The following WDR90 variants were observed in gnomAD, a reference collection of about 807,000 sequenced individuals.
WDR90 encodes WD repeat domain 90.
WDR90 carries 238 observed loss-of-function variants against 195.2 expected under a neutral mutation model. The observed-to-expected ratio is 1.22, with a 90% CI of 1.10 to 1.36. The LOEUF is 1.36. Ranked by LOEUF, WDR90 falls within the 40% of genes most tolerant of loss-of-function variation. The pLI is 0.00. For synonymous variants in WDR90, 1,265 were observed against 1,052.4 expected (o/e 1.20, Z -3.91); for missense variants, 2,734 against 2,439.5 (o/e 1.12, Z -2.54).
intron 13 of WDR90, chr16:654,614 T>TG (rs1450147139): frequency 5.9e-6 from 1 of 169,174 alleles, no homozygotes; most frequent in African/African-American, 2.4e-5. Flanking sequence ...TCTCACGTTT[T>TG]GTTTTTTTAA....
chr16:662,982 G>T, intron 34 of WDR90, 138 bp downstream of exon 34: 3 of 1,347,612 alleles, frequency 2.2e-6, no homozygotes, highest in Non-Finnish European at 3.1e-6. Flanking sequence ...GGGGTTCCCA[G>T]CGGGGAAGTC....
chr16:649,143 G>C (rs1037840329), upstream of WDR90: 5 of 376,044 alleles, frequency 1.3e-5, no homozygotes, highest in Non-Finnish European at 2.4e-5. Flanking sequence ...ATCCGCAACC[G>C]GCGCGGGCTT....
At position 666,699 on chromosome 16, in the gene WDR90, C is replaced by T. The variant is rs757174502; in HGVS notation, c.4911C>T (p.Leu1637=). ...CTCAGGGCCACCTGCCACCCTCCCT[C>T]GCTGCCTTCTGCCCTTGGGATGGGG... ...TETQGHLPPS[L]AAFCPWDGAL... The change falls in exon 39 of 41, where the codon CTC becomes CTT. Residue 1637 remains leucine (L), a synonymous_variant. Transcript: ENST00000293879. The T allele has an allele frequency of 1.8e-5, 29 of 1,612,732 alleles. No individual in the cohort carries two copies. Among genetic ancestry groups the T allele is most frequent in the African/African-American group, 6.7e-5 (5 of 74,954 alleles).
At chr16:656,136 T>C (rs552744571) in intron 17 of WDR90, 166 bp from the exon 18 acceptor site, 80 of 782,374 alleles carry the variant, frequency 1.0e-4, no homozygotes, top group Non-Finnish European at 1.5e-4. Context: ...GGGTCCCGCC[T>C]AGCCTAAGAG....
intron 20 of WDR90, chr16:657,495 T>C (rs375677030): frequency 1.7e-5 from 12 of 699,734 alleles, no homozygotes; most frequent in Non-Finnish European, 2.5e-5. Context: ...GACCCAGGCA[T>C]GGGCACCTGC....
chr16:666,806 C>T lies in WDR90; in HGVS notation c.5004+14C>T, dbSNP rs2038077677. ...TGCCAGAAGCAGGTACACGCAGCTG[C>T]CCGCGTGTCACTGGGAGCCCCAGGG... On this transcript the variant is annotated intron_variant, in intron 39 of 40. Transcript: ENST00000293879. 1 of 1,612,708 alleles carries T rather than the reference C, an allele frequency of 6.2e-7. No individual in the cohort carries two copies. The highest frequency in any genetic ancestry group is 1.1e-5 in the South Asian group (1 of 91,082).
In WDR90 at chr16:651,954, CTG is replaced by C; in HGVS notation, c.969_970del (p.Asp324HisfsTer17). 2 of 1,608,474 alleles carry C rather than the reference CTG, an allele frequency of 1.2e-6. No individual in the cohort carries two copies. The highest frequency in any genetic ancestry group is 1.7e-6 in the Non-Finnish European group (2 of 1,178,434). On this transcript the variant is annotated frameshift_variant, in exon 9 of 41. Coordinates refer to ENST00000293879, the MANE Select transcript of WDR90 (RefSeq NM_145294.5). LOFTEE classifies it high-confidence loss of function. ...GAGCCCTGGGCCCAGCTGGAGGCCT[CTG>C]ACATCCACACGGCTGCTGCCGGCAC...
In WDR90 at chr16:649,842, G is replaced by A; in HGVS notation, c.90G>A (p.Val30=). 1 of 1,582,232 alleles carries A rather than the reference G, an allele frequency of 6.3e-7. No individual in the cohort carries two copies. Among genetic ancestry groups the A allele is most frequent in the Non-Finnish European group, 8.6e-7 (1 of 1,164,522 alleles). ...EWKRSAKQGD[V]AVVTDKTLKG... is the part of the protein sequence containing the mutation. ...AGCGCTCCGCCAAGCAGGGGGACGT[G>A]GCCGTGGTCACGGTAGGCGGCCGGG... Residue 30 remains valine, a synonymous_variant, in exon 2 of 41, where the codon GTG becomes GTA. Coordinates refer to ENST00000293879, the MANE Select transcript of WDR90 (RefSeq NM_145294.5).
intron 14 of WDR90, 45 bp downstream of exon 14, chr16:655,192 C>T (rs755795596): frequency 2.0e-5 from 33 of 1,612,052 alleles, no homozygotes; most frequent in Admixed American, 3.3e-5. Context: ...GGTCTGGGCC[C>T]GGAGTGGGGG....
chr16:666,492 T>C lies in WDR90; in HGVS notation c.4778T>C (p.Leu1593Pro). 6.2e-7 allele frequency: 1 copy of C among 1,612,696 alleles called. No individual in the cohort carries two copies. Among genetic ancestry groups the C allele is most frequent in the Non-Finnish European group, 8.5e-7 (1 of 1,179,962 alleles). ...DLGVEGTDLW[L>P]AASGDQRVSV... ...GGGGTGGAGGGCACAGACCTATGGC[T>C]GGCTGCCAGTGGGGACCAGCGGGTC... Residue 1593 changes from leucine (L) to proline (P), a missense_variant, in exon 38 of 41, where the codon CTG (leucine) becomes CCG (proline). Leu to Pro is a moderately conservative substitution (Grantham distance 98). Coordinates refer to ENST00000293879, the MANE Select transcript of WDR90 (RefSeq NM_145294.5).
At position 663,005 on chromosome 16, in the gene WDR90, G is replaced by A. The variant is rs748626085; in HGVS notation, c.4311+161G>A. ...CAGCGGGGAAGTCTTGGGTGTGCAC[G>A]TCCCCTCAAAGCCGTCCCGGTTGTG... On this transcript the variant is annotated intron_variant, in intron 34 of 40. Transcript: ENST00000293879. 11 of 1,127,032 alleles carry A rather than the reference G, an allele frequency of 9.8e-6. 1 individual carries two copies. The highest frequency in any genetic ancestry group is 1.9e-4 in the Middle Eastern group (1 of 5,228). 69.8% of individuals were successfully genotyped at this position (1,127,032 alleles called of 1,614,324 possible).
rs751072904 is a variant in WDR90, at chr16:666,011, C to A, written c.4496C>A (p.Ala1499Glu). ...GGCCGCCCTGAGCAGCAGCGGCTAGCGGCTGGCTACGGTGACGGCTCCCTG... is the reference window on the plus strand; with the variant it reads ...GGCCGCCCTGAGCAGCAGCGGCTAGAGGCTGGCTACGGTGACGGCTCCCTG... The part of the protein sequence containing the change: ...CCGRPEQQRL[A>E]AGYGDGSLRI... Residue 1499 changes from alanine (A) to glutamate (E), a missense_variant, in exon 36 of 41, where the codon GCG (alanine) becomes GAG (glutamate). Ala to Glu is a moderately radical substitution (Grantham distance 107, BLOSUM62 -1). Coordinates refer to ENST00000293879, the MANE Select transcript of WDR90 (RefSeq NM_145294.5). The A allele has an allele frequency of 8.1e-6, 13 of 1,603,620 alleles. No homozygotes were observed. Among genetic ancestry groups the A allele is most frequent in the Non-Finnish European group, 1.0e-5 (12 of 1,179,672 alleles).
chr16:666,717 G>T lies in WDR90; in HGVS notation c.4929G>T (p.Trp1643Cys). 6.2e-7 allele frequency: 1 copy of T among 1,612,832 alleles called. No homozygotes were observed. Among genetic ancestry groups the T allele is most frequent in the Non-Finnish European group, 8.5e-7 (1 of 1,179,966 alleles). ...LPPSLAAFCP[W>C]DGALLMYVGP... is the part of the protein sequence containing the mutation. Reference sequence around the variant, plus strand: ...CCTCCCTCGCTGCCTTCTGCCCTTGGGATGGGGCGCTCCTGATGTACGTGG... The same window carrying T: ...CCTCCCTCGCTGCCTTCTGCCCTTGTGATGGGGCGCTCCTGATGTACGTGG... Residue 1643 changes from tryptophan (W) to cysteine (C), a missense_variant, in exon 39 of 41, where the codon TGG (tryptophan) becomes TGT (cysteine). Trp to Cys is a radical substitution (Grantham distance 215). Coordinates refer to ENST00000293879, the MANE Select transcript of WDR90 (RefSeq NM_145294.5).
Position 666,801 on chromosome 16 carries a change from A to G in WDR90, c.5004+9A>G, listed in dbSNP as rs1329535098. The G allele has an allele frequency of 6.2e-7, 1 of 1,612,592 alleles. No individual in the cohort carries two copies. The highest frequency in any genetic ancestry group is 8.5e-7 in the Non-Finnish European group (1 of 1,179,828). On this transcript the variant is annotated intron_variant, in intron 39 of 40. Coordinates refer to ENST00000293879, the MANE Select transcript of WDR90 (RefSeq NM_145294.5). ...ACCTCTGCCAGAAGCAGGTACACGC[A>G]GCTGCCCGCGTGTCACTGGGAGCCC...
chr16:660,272 C>A, intron 27 of WDR90, 111 bp downstream of exon 27: 1 of 1,035,708 alleles, frequency 9.7e-7, no homozygotes, highest in Non-Finnish European at 1.4e-6. Flanking sequence ...GGTGATGGCT[C>A]TGGCCCTTGG....
intron 20 of WDR90, 111 bp from the exon 21 acceptor site, chr16:657,651 C>A: frequency 7.3e-7 from 1 of 1,378,500 alleles, no homozygotes; most frequent in Non-Finnish European, 9.5e-7. Flanking sequence ...GTCTGTGCTC[C>A]GGGGCTGGTG....
At position 660,614 on chromosome 16, in the gene WDR90, C is replaced by T. The variant is rs755638030; in HGVS notation, c.3291C>T (p.Gly1097=). The change falls in exon 28 of 41, where the codon GGC becomes GGT. Residue 1097 remains glycine, a splice_region_variant and synonymous_variant. Transcript: ENST00000293879. The stretch of plus-strand genomic sequence containing the variant: ...CATCCGGGTCTCCTTCCTCGCAGGG[C>T]ACTTGCCCGCCTCCCGCCAGCGGTG... ...RVSCSPHSAK[G]TCPPPASGGW... is the part of the protein sequence containing the mutation. 110 of 1,564,186 alleles carry T rather than the reference C, an allele frequency of 7.0e-5. No individual in the cohort carries two copies. Among genetic ancestry groups the T allele is most frequent in the Middle Eastern group, 1.7e-4 (1 of 6,006 alleles).
chr16:655,646 C>G lies in WDR90; in HGVS notation c.1792C>G (p.Leu598Val), dbSNP rs775555989. The G allele has an allele frequency of 6.8e-6, 11 of 1,606,756 alleles. No homozygotes were observed. The highest frequency in any genetic ancestry group is 2.7e-5 in the African/African-American group (2 of 74,846). ...QRMVVRHARR[L>V]LPTRTPGGPH... ...CATGGTCGTGCGGCATGCCCGCCGC[C>G]TGCTCCCCACACGGACTCCAGGCGG... The change falls in exon 16 of 41, where the codon CTG becomes GTG. Residue 598 changes from leucine to valine, a missense_variant. Coordinates refer to ENST00000293879, the MANE Select transcript of WDR90 (RefSeq NM_145294.5).
At position 651,649 on chromosome 16, in the gene WDR90, C is replaced by G. The variant is rs1346813692; in HGVS notation, c.742C>G (p.Leu248Val). ...GGTTCTTTGCTCTGTTCTAGTCCTCCTGGGGCCGGGGCCACAGCCTCTCCC... is the reference window on the plus strand; with the variant it reads ...GGTTCTTTGCTCTGTTCTAGTCCTCGTGGGGCCGGGGCCACAGCCTCTCCC... The part of the protein sequence containing the change: ...KSCSPPEAVL[L>V]GPGPQPLPCP... Residue 248 changes from leucine to valine, a missense_variant, in exon 8 of 41, where the codon CTG (leucine) becomes GTG (valine). Coordinates refer to ENST00000293879, the MANE Select transcript of WDR90 (RefSeq NM_145294.5). 1 of 1,612,526 alleles carries G rather than the reference C, an allele frequency of 6.2e-7. No homozygotes were observed. Among genetic ancestry groups the G allele is most frequent in the Non-Finnish European group, 8.5e-7 (1 of 1,179,942 alleles).
Sources: allele counts gnomAD v4.1 joint callset, GRCh38; gene constraint gnomAD v4.1.1; transcripts MANE v1.5; gene names NCBI Gene and HGNC (gene_info 2026-07-23, HGNC 2026-07-21).